Variants in ENTREP2 observed in about 807,000 individuals in gnomAD.
The protein encoded by ENTREP2 is protein ENTREP2.
chr15:29,470,224 G>A, the ENTREP2 span, among the ~76,000 whole-genome samples: 1 of 152,188 alleles, frequency 6.6e-6, no homozygotes, highest in East Asian at 1.9e-4. Flanking sequence ...CAGAGGGGCT[G>A]CTCGGTGCCC....
chr15:29,188,236 T>A, the ENTREP2 span, among the ~76,000 whole-genome samples: 1 of 152,160 alleles, frequency 6.6e-6, no homozygotes, highest in Non-Finnish European at 1.5e-5. Context: ...TTGTTTATAG[T>A]TAGTTTTTCT....
chr15:29,175,310 C>A, the ENTREP2 span, among the ~76,000 whole-genome samples: 2 of 152,202 alleles, frequency 1.3e-5, no homozygotes, highest in African/African-American at 4.8e-5. Flanking sequence ...ATTAGTTTCA[C>A]AAATGTGCTG....
the ENTREP2 span, chr15:29,137,090 C>T: frequency 2.7e-5 from 40 of 1,460,616 alleles, no homozygotes; most frequent in Middle Eastern, 1.8e-4. Flanking sequence ...AGGGTGGAGG[C>T]GGGAGTGGGG....
the ENTREP2 span, among the ~76,000 whole-genome samples, chr15:29,555,886 C>A: frequency 6.6e-6 from 1 of 152,200 alleles, no homozygotes; most frequent in South Asian, 2.1e-4. Flanking sequence ...ACCACCTGTG[C>A]CCACACCCCT....
chr15:29,412,174 A>C, the ENTREP2 span, among the ~76,000 whole-genome samples: 1 of 152,162 alleles, frequency 6.6e-6, no homozygotes, highest in Non-Finnish European at 1.5e-5. Context: ...AGCCATCTTC[A>C]CAGTATTGAG....
the ENTREP2 span, among the ~76,000 whole-genome samples, chr15:29,564,225 C>G: frequency 6.6e-6 from 1 of 152,204 alleles, no homozygotes; most frequent in Non-Finnish European, 1.5e-5. Context: ...AGCATCAAGT[C>G]CAGAACCTTT....
At chr15:29,605,729 C>T in the ENTREP2 span, among the ~76,000 whole-genome samples, 1 of 151,872 alleles carries the variant, frequency 6.6e-6, no homozygotes, top group African/African-American at 2.4e-5. Flanking sequence ...CCCAGCTACT[C>T]GGGAGGCTGA....
At chr15:29,234,686 G>A in the ENTREP2 span, 1 of 1,559,352 alleles carries the variant, frequency 6.4e-7, no homozygotes, top group Non-Finnish European at 8.8e-7. Context: ...AGGGTCATTG[G>A]GTACAGTCAT....
the ENTREP2 span, among the ~76,000 whole-genome samples, chr15:29,235,301 G>A: frequency 6.6e-6 from 1 of 152,226 alleles, no homozygotes; most frequent in African/African-American, 2.4e-5. Context: ...CTGTTTACAG[G>A]TTGTGATATT....
chr15:29,523,252 T>C, the ENTREP2 span, among the ~76,000 whole-genome samples: 1 of 152,086 alleles, frequency 6.6e-6, no homozygotes, highest in Non-Finnish European at 1.5e-5. Flanking sequence ...TTCAGCAAGG[T>C]TTCAGGGTAC....
At chr15:29,276,875 G>A in the ENTREP2 span, among the ~76,000 whole-genome samples, 2 of 152,172 alleles carry the variant, frequency 1.3e-5, no homozygotes, top group Non-Finnish European at 2.9e-5. Flanking sequence ...AGCTAGGGAA[G>A]GTTAAAACCA....
the ENTREP2 span, among the ~76,000 whole-genome samples, chr15:29,263,689 A>G: frequency 6.6e-6 from 1 of 152,244 alleles, no homozygotes; most frequent in Non-Finnish European, 1.5e-5. Context: ...TGCTGTGTAG[A>G]TGACTGATAG....
At chr15:29,191,783 A>G in the ENTREP2 span, among the ~76,000 whole-genome samples, 1 of 152,154 alleles carries the variant, frequency 6.6e-6, no homozygotes, top group African/African-American at 2.4e-5. Context: ...GCATGGTGGC[A>G]TATGCCTACA....
the ENTREP2 span, among the ~76,000 whole-genome samples, chr15:29,340,051 TGG>T: frequency 6.6e-6 from 1 of 152,256 alleles, no homozygotes; most frequent in Non-Finnish European, 1.5e-5. Flanking sequence ...CTTGAAGCAC[TGG>T]TGTTTTACAC....
At chr15:29,272,019 C>T in the ENTREP2 span, among the ~76,000 whole-genome samples, 1 of 151,204 alleles carries the variant, frequency 6.6e-6, no homozygotes, top group Non-Finnish European at 1.5e-5. Context: ...CAGACTACCC[C>T]TGTCACTGTG....
chr15:29,469,182 C>A, the ENTREP2 span, among the ~76,000 whole-genome samples: 1 of 152,012 alleles, frequency 6.6e-6, no homozygotes, highest in Non-Finnish European at 1.5e-5. Flanking sequence ...CAAGATTCTG[C>A]TTCTTTTTTG....
the ENTREP2 span, among the ~76,000 whole-genome samples, chr15:29,657,734 C>T: frequency 1.3e-5 from 2 of 152,086 alleles, no homozygotes; most frequent in Non-Finnish European, 2.9e-5. Context: ...GTGCATTTTA[C>T]AATCCTCTTG....
chr15:29,214,121 G>T, the ENTREP2 span, among the ~76,000 whole-genome samples: 1 of 152,180 alleles, frequency 6.6e-6, no homozygotes, highest in African/African-American at 2.4e-5. Context: ...CATTGTGGAA[G>T]ACAGTGTGGC....
the ENTREP2 span, among the ~76,000 whole-genome samples, chr15:29,323,909 G>A: frequency 9.9e-5 from 15 of 152,284 alleles, no homozygotes; most frequent in Non-Finnish European, 1.6e-4. Context: ...TTATTTGAGA[G>A]TGAATATAGA....
Sources: gnomAD v4.1 joint callset for allele counts (sites outside exome capture counted in the v4.1 genomes callset) on GRCh38, gnomAD v4.1.1 for gene constraint, MANE v1.5 for transcripts, NCBI Gene and HGNC (gene_info 2026-07-23, HGNC 2026-07-21) for gene names.